COL4A5: variants seen among roughly 807,000 people sequenced by gnomAD.
COL4A5 encodes collagen type IV alpha 5 chain.
Under a neutral mutation model 130.2 loss-of-function variants are expected in COL4A5, and 26 were observed. That is an observed-to-expected ratio of 0.20 (90% CI 0.15 to 0.28). The LOEUF is 0.28. Ranked by LOEUF, COL4A5 falls within the 10% of genes least tolerant of loss-of-function variation. The pLI, the probability that COL4A5 is intolerant of heterozygous loss-of-function variation, is 1.00. For synonymous variants in COL4A5, 496 were observed against 439.6 expected, an observed-to-expected ratio of 1.13 and a Z score of -1.60; for missense variants, 1,131 against 1,344.3, an observed-to-expected ratio of 0.84 and a Z score of 2.48.
intron 25 of COL4A5, among the ~76,000 whole-genome samples, chrX:108,600,375 G>A (rs1416085013): frequency 1.8e-5 from 2 of 108,927 alleles, no homozygotes; most frequent in African/African-American, 7.0e-5. Flanking sequence ...CATGGTTAGT[G>A]CTTTTTGTGT....
intron 36 of COL4A5, among the ~76,000 whole-genome samples, chrX:108,640,157 G>A (rs755207513): frequency 2.7e-5 from 3 of 112,097 alleles, no homozygotes; most frequent in South Asian, 3.7e-4. Flanking sequence ...ATTGATAGAG[G>A]AATGTGTAAT....
At chrX:108,627,703 T>A in intron 36 of COL4A5, 1 of 391,710 alleles carries the variant, frequency 2.6e-6, no homozygotes, top group South Asian at 1.3e-4. Flanking sequence ...AGATGTAAAA[T>A]AAAAAGTCTC....
chrX:108,583,002 AG>A, intron 17 of COL4A5, 65 bp downstream of exon 17: 1 of 901,711 alleles, frequency 1.1e-6, no homozygotes, highest in South Asian at 2.0e-5. Context: ...TTCTTCTCCC[AG>A]GCTTGAGTTA....
intron 1 of COL4A5, among the ~76,000 whole-genome samples, chrX:108,507,247 C>CAAAAAAAA (rs1195605237): frequency 2.0e-5 from 1 of 50,874 alleles, no homozygotes; most frequent in Non-Finnish European, 4.2e-5. Flanking sequence ...ACAACAACAA[C>CAAAAAAAA]AAAAAAAAAA....
At chrX:108,606,326 C>T (rs1438988851) in intron 28 of COL4A5, among the ~76,000 whole-genome samples, 1 of 111,995 alleles carries the variant, frequency 8.9e-6, no homozygotes, top group African/African-American at 3.2e-5. Flanking sequence ...TATCATTTCA[C>T]TTATAAATGC....
intron 6 of COL4A5, 43 bp from the exon 7 acceptor site, chrX:108,571,370 T>G: frequency 1.0e-6 from 1 of 982,702 alleles, no homozygotes; most frequent in Non-Finnish European, 1.5e-6. Context: ...AGTTATTCTT[T>G]GTTTCTTGTT....
intron 1 of COL4A5, among the ~76,000 whole-genome samples, chrX:108,535,706 A>C (rs2065447431): frequency 9.0e-6 from 1 of 111,668 alleles, no homozygotes; most frequent in Non-Finnish European, 1.9e-5. Context: ...AAACCCAAAA[A>C]TTATCCAAGT....
chrX:108,632,643 T>G (rs1019226652), intron 36 of COL4A5, among the ~76,000 whole-genome samples: 1 of 110,338 alleles, frequency 9.1e-6, no homozygotes, highest in African/African-American at 3.3e-5. Context: ...AAGATCAAGT[T>G]GGCTTCATCC....
At chrX:108,452,375 G>A (rs2064526860) in intron 1 of COL4A5, among the ~76,000 whole-genome samples, 1 of 111,733 alleles carries the variant, frequency 8.9e-6, no homozygotes, top group African/African-American at 3.3e-5. Flanking sequence ...GTCATTGGTA[G>A]CTTGATGGGG....
chrX:108,686,380 T>G (rs1216077984), intron 48 of COL4A5, among the ~76,000 whole-genome samples: 4 of 112,636 alleles, frequency 3.6e-5, no homozygotes, highest in African/African-American at 9.7e-5. Flanking sequence ...AAGCACTCAC[T>G]GTACTTACTT....
rs1214573896 is a variant in COL4A5, at chrX:108,581,009, T to C, written c.918T>C (p.Asn306=). 2 of 1,207,272 alleles carry C rather than the reference T, an allele frequency of 1.7e-6. No individual in the cohort carries two copies. Among genetic ancestry groups the C allele is most frequent in the African/African-American group, 3.5e-5 (2 of 56,944 alleles). ...KRGKPGKDGE[N]GQPGIPGLPG... is the part of the protein sequence containing the mutation. The stretch of plus-strand genomic sequence containing the variant: ...GTAAACCAGGCAAAGATGGAGAAAA[T>C]GGCCAACCAGGAATTCCTGTAAGTA... The change falls in exon 16 of 53, where the codon AAT becomes AAC. Residue 306 remains asparagine, a synonymous_variant. Coordinates refer to ENST00000328300, the MANE Select transcript of COL4A5 (RefSeq NM_033380.3).
intron 37 of COL4A5, among the ~76,000 whole-genome samples, chrX:108,659,840 A>G (rs1430769404): frequency 9.0e-6 from 1 of 110,999 alleles, no homozygotes; most frequent in African/African-American, 3.3e-5. Context: ...GAGTCCAACA[A>G]TCTTTCCCGT....
At chrX:108,534,504 A>T (rs1216449571) in intron 1 of COL4A5, among the ~76,000 whole-genome samples, 1 of 111,409 alleles carries the variant, frequency 9.0e-6, no homozygotes, top group Non-Finnish European at 1.9e-5. Flanking sequence ...CAAATATTGC[A>T]TGTTCTCACT....
At chrX:108,597,262 G>T (rs763471317) in intron 23 of COL4A5, 115 bp from the exon 24 acceptor site, 20 of 830,358 alleles carry the variant, frequency 2.4e-5, no homozygotes, top group Non-Finnish European at 3.5e-5. Flanking sequence ...AATGTTATTG[G>T]ATGGGTTGAA....
At chrX:108,647,551 G>T (rs904758750) in intron 36 of COL4A5, among the ~76,000 whole-genome samples, 43 of 111,028 alleles carry the variant, frequency 3.9e-4, no homozygotes, top group African/African-American at 1.3e-3. Flanking sequence ...ACTTCCTCTT[G>T]TCCTAATTGA....
rs1352489163 is a variant in COL4A5, at chrX:108,526,593, CTCCTTTCTTTCTTTCTTTCT to C, written c.82-13151_82-13132del. Among the ~76,000 whole-genome samples, 39 of 45,112 alleles carry C rather than the reference CTCCTTTCTTTCTTTCTTTCT, an allele frequency of 8.6e-4. 1 individual carries two copies. Among genetic ancestry groups the C allele is most frequent in the East Asian group, 4.2e-3 (6 of 1,425 alleles). 39.2% of individuals were successfully genotyped at this position (45,112 alleles called of 115,157 possible). On this transcript the variant is annotated intron_variant, in intron 1 of 52. Coordinates refer to ENST00000328300, the MANE Select transcript of COL4A5 (RefSeq NM_033380.3). Reference sequence around the variant, plus strand: ...CTTTCCTCCCTCCCTCCCTCCCTCCCTCCTTTCTTTCTTTCTTTCTTTCTTTCTTTCTTTCTTTCTTTCTT... The same window carrying C: ...CTTTCCTCCCTCCCTCCCTCCCTCCCTTCTTTCTTTCTTTCTTTCTTTCTT...
At chrX:108,517,607 G>A (rs889706248) in intron 1 of COL4A5, among the ~76,000 whole-genome samples, 3 of 111,349 alleles carry the variant, frequency 2.7e-5, no homozygotes, top group Non-Finnish European at 3.8e-5. Flanking sequence ...AATATTTTAG[G>A]TGGATATCAT....
intron 42 of COL4A5, among the ~76,000 whole-genome samples, chrX:108,672,692 G>A (rs186794142): frequency 2.1e-4 from 23 of 111,807 alleles, no homozygotes; most frequent in African/African-American, 6.5e-4. Context: ...TTAAAATAGA[G>A]TCTTAGAAGT....
At chrX:108,621,095 CTTTCTTTCCTTTTCTTCTT>C (rs1225559403) in intron 31 of COL4A5, among the ~76,000 whole-genome samples, 2 of 100,507 alleles carry the variant, frequency 2.0e-5, no homozygotes, top group African/African-American at 7.3e-5. Flanking sequence ...TTCTCTCTTT[CTTTCTTTCCTTTTCTTCTT>C]TCTTTCTTTC....
Sources: allele counts gnomAD v4.1 joint callset (sites outside exome capture counted in the v4.1 genomes callset), GRCh38; gene constraint gnomAD v4.1.1; transcripts MANE v1.5; gene names NCBI Gene and HGNC (gene_info 2026-07-23, HGNC 2026-07-21).